Variants in RUNX2 observed in about 807,000 individuals in gnomAD.
RUNX2 encodes runt-related transcription factor 2.
A neutral mutation model predicts 51.7 loss-of-function variants in RUNX2; 10 were observed. The ratio of observed to expected loss-of-function variants is 0.19; its 90% confidence interval spans 0.12 to 0.33. The LOEUF is 0.33. Among genes scored for constraint, RUNX2 ranks in the 10% least tolerant of loss-of-function variants. The probability of loss-of-function intolerance (pLI) is 1.00; values close to 1 mark genes in which losing one functional copy is unlikely to be tolerated. For missense variants in RUNX2, 562 were observed against 691.3 expected (o/e 0.81, Z 2.10); for synonymous variants, 276 against 273.6 (o/e 1.01, Z -0.09).
At chr6:45,528,491 C>T (rs148129761) in intron 7 of RUNX2, among the ~76,000 whole-genome samples, 4 of 152,048 alleles carry the variant, frequency 2.6e-5, no homozygotes, top group Admixed American at 6.5e-5. Flanking sequence ...TGTGGTGGCA[C>T]GCAATTGTAA....
intron 2 of RUNX2, among the ~76,000 whole-genome samples, chr6:45,333,424 C>G (rs1391851290): frequency 6.6e-6 from 1 of 151,424 alleles, no homozygotes; most frequent in East Asian, 1.9e-4. Context: ...TATACAGTAT[C>G]TTCACTTTAT....
intron 2 of RUNX2, among the ~76,000 whole-genome samples, chr6:45,389,194 T>C (rs1797419475): frequency 1.3e-5 from 2 of 152,276 alleles, no homozygotes; most frequent in African/African-American, 4.8e-5. Context: ...CAATAGTTTC[T>C]CTTCAATAGA....
chr6:45,524,717 A>G (rs1279157003), intron 7 of RUNX2, among the ~76,000 whole-genome samples: 1 of 152,238 alleles, frequency 6.6e-6, no homozygotes, highest in African/African-American at 2.4e-5. Context: ...AAAAGAGGAA[A>G]AAGTCTGATA....
At chr6:45,537,042 C>G (rs534866916) in intron 7 of RUNX2, among the ~76,000 whole-genome samples, 34 of 152,148 alleles carry the variant, frequency 2.2e-4, no homozygotes, top group Non-Finnish European at 4.8e-4. Flanking sequence ...AGGAGGAATG[C>G]CCTTTTAGGA....
chr6:45,452,635 G>A (rs1309064372), intron 5 of RUNX2, among the ~76,000 whole-genome samples: 2 of 152,082 alleles, frequency 1.3e-5, no homozygotes, highest in South Asian at 4.1e-4. Context: ...TTGATGAAAC[G>A]ATGAGAAACA....
rs776719312 is a variant in RUNX2 at position 45,425,733 on chromosome 6, A to G, written c.423+2776A>G. Among the ~76,000 whole-genome samples, 8 of 152,224 alleles carry G rather than the reference A, an allele frequency of 5.3e-5. 1 individual carries two copies. Among genetic ancestry groups the G allele is most frequent in the Non-Finnish European group, 1.2e-4 (8 of 68,034 alleles). ...GCACTAGACTTTCTATACTCTTACA[A>G]TATAATCAAATACATCTGCAATGAA... On this transcript the variant is annotated intron_variant, in intron 3 of 8. Coordinates refer to ENST00000647337, the MANE Select transcript of RUNX2 (RefSeq NM_001024630.4).
At chr6:45,329,647 C>T (rs1456297665) in intron 2 of RUNX2, among the ~76,000 whole-genome samples, 1 of 151,882 alleles carries the variant, frequency 6.6e-6, no homozygotes, top group Non-Finnish European at 1.5e-5. Flanking sequence ...AAAAATAAAG[C>T]TCCATAAGGA....
chr6:45,366,072 A>C (rs1795084997), intron 2 of RUNX2, among the ~76,000 whole-genome samples: 1 of 152,204 alleles, frequency 6.6e-6, no homozygotes, highest in Non-Finnish European at 1.5e-5. Flanking sequence ...GAAAGTAGGT[A>C]AACCCTCATC....
intron 2 of RUNX2, among the ~76,000 whole-genome samples, chr6:45,374,968 A>T (rs1475345315): frequency 6.6e-6 from 1 of 152,170 alleles, no homozygotes; most frequent in Non-Finnish European, 1.5e-5. Flanking sequence ...GAACTTTGGG[A>T]GGCTGAGGCG....
chr6:45,485,128 T>C (rs1327293570), intron 5 of RUNX2, among the ~76,000 whole-genome samples: 6 of 152,158 alleles, frequency 3.9e-5, no homozygotes, highest in South Asian at 2.1e-4. Flanking sequence ...ATGAGGCTCA[T>C]GGACTGCCAA....
chr6:45,376,880 T>C (rs1230056457), intron 2 of RUNX2, among the ~76,000 whole-genome samples: 2 of 152,186 alleles, frequency 1.3e-5, no homozygotes, highest in Non-Finnish European at 2.9e-5. Flanking sequence ...TACATATACT[T>C]ATATACACAC....
Position 45,492,122 on chromosome 6 carries a change from A to C in RUNX2, c.859+8A>C. ...GACAGAGTCAGATTACAGGTAAGAC[A>C]GACTCATAGGTTTCACTTGCATAGA... On this transcript the variant is annotated splice_region_variant and intron_variant, in intron 6 of 8. Transcript: ENST00000647337. 1 of 1,613,632 alleles carries C rather than the reference A, an allele frequency of 6.2e-7. No homozygotes were observed. The highest frequency in any genetic ancestry group is 8.5e-7 in the Non-Finnish European group (1 of 1,179,708).
chr6:45,472,955 G>C (rs1027453161), intron 5 of RUNX2, among the ~76,000 whole-genome samples: 1 of 152,146 alleles, frequency 6.6e-6, no homozygotes, highest in African/African-American at 2.4e-5. Context: ...GTCTGAAAGG[G>C]AGAACCAGTT....
intron 5 of RUNX2, among the ~76,000 whole-genome samples, chr6:45,487,571 G>C (rs927422331): frequency 2.0e-5 from 3 of 152,110 alleles, no homozygotes; most frequent in Non-Finnish European, 4.4e-5. Flanking sequence ...CTTATCTCTA[G>C]AGAAAGGTTT....
At chr6:45,409,625 G>T (rs1436955370) in intron 2 of RUNX2, among the ~76,000 whole-genome samples, 3 of 151,974 alleles carry the variant, frequency 2.0e-5, no homozygotes, top group African/African-American at 7.3e-5. Flanking sequence ...CAAGATGTAA[G>T]AAAGTTCCCA....
intron 7 of RUNX2, among the ~76,000 whole-genome samples, chr6:45,515,460 TA>T (rs1801292152): frequency 6.6e-6 from 1 of 152,232 alleles, no homozygotes; most frequent in Non-Finnish European, 1.5e-5. Flanking sequence ...ATTATGAAGC[TA>T]AAATTGTTTT....
At chr6:45,500,187 A>G (rs922527299) in intron 6 of RUNX2, among the ~76,000 whole-genome samples, 1 of 152,224 alleles carries the variant, frequency 6.6e-6, no homozygotes, top group African/African-American at 2.4e-5. Flanking sequence ...TCCATTATTT[A>G]TGTGATATGC....
intron 2 of RUNX2, among the ~76,000 whole-genome samples, chr6:45,410,973 C>T (rs190105005): frequency 1.6e-4 from 25 of 152,270 alleles, no homozygotes; most frequent in African/African-American, 6.0e-4. Context: ...TTTCAGTCTA[C>T]CCAATCTTTT....
chr6:45,333,697 A>T (rs1166859418), intron 2 of RUNX2, among the ~76,000 whole-genome samples: 1 of 151,364 alleles, frequency 6.6e-6, no homozygotes, highest in Admixed American at 6.6e-5. Flanking sequence ...CCCAAATAAG[A>T]TGAGCTGTAG....
Sources: allele counts gnomAD v4.1 joint callset (sites outside exome capture counted in the v4.1 genomes callset), GRCh38; gene constraint gnomAD v4.1.1; transcripts MANE v1.5; gene names NCBI Gene and HGNC (gene_info 2026-07-23, HGNC 2026-07-21).